Variants in TTC12 observed in about 807,000 individuals in gnomAD.
The protein encoded by TTC12 is tetratricopeptide repeat protein 12.
A neutral mutation model predicts 90.1 loss-of-function variants in TTC12; 70 were observed. The observed-to-expected ratio is 0.78, with a 90% CI of 0.64 to 0.95. The LOEUF (loss-of-function observed/expected upper bound fraction) is 0.95, where lower values mean the gene tolerates loss of function less well. Ranked by LOEUF, TTC12 falls within the 40% of genes least tolerant of loss-of-function variation. TTC12 has a pLI of 0.00. For missense variants in TTC12, 819 were observed against 846.1 expected (o/e 0.97, Z 0.40); for synonymous variants, 296 against 311.5 (o/e 0.95, Z 0.53).
intron 17 of TTC12, among the ~76,000 whole-genome samples, 185 bp downstream of exon 17, chr11:113,359,646 T>G (rs781933050): frequency 2.2e-4 from 34 of 152,194 alleles, no homozygotes; most frequent in Non-Finnish European, 3.8e-4. Flanking sequence ...GGATCACCAC[T>G]CAGTCATGTA....
rs577316998 is a variant in TTC12 at position 113,332,123 on chromosome 11, A to G, written c.504+2144A>G. Reference sequence around the variant, plus strand: ...AGACTGATGTTTCTTGTCAAGGAAGATAAGGCAGCAAAGCTGGTTTCAATT... The same window carrying G: ...AGACTGATGTTTCTTGTCAAGGAAGGTAAGGCAGCAAAGCTGGTTTCAATT... On this transcript the variant is annotated intron_variant, in intron 7 of 21. Coordinates refer to ENST00000529221, the MANE Select transcript of TTC12 (RefSeq NM_017868.4). Among the ~76,000 whole-genome samples the G allele has an allele frequency of 6.6e-5, 10 of 152,360 alleles. No homozygotes were observed. In the South Asian group the frequency reaches 1.7e-3, roughly 25 times the overall value.
chr11:113,367,520 G>T (rs534540109), downstream of TTC12, among the ~76,000 whole-genome samples: 1 of 152,200 alleles, frequency 6.6e-6, no homozygotes, highest in African/African-American at 2.4e-5. Context: ...AGTTTGAAGG[G>T]TCTGGGAAAG....
chr11:113,354,794 T>G (rs1378533172), intron 16 of TTC12, among the ~76,000 whole-genome samples: 16 of 152,236 alleles, frequency 1.1e-4, no homozygotes, highest in African/African-American at 3.9e-4. Context: ...CAACCTTGCA[T>G]CCCAGAGATA....
At chr11:113,360,088 G>A in intron 18 of TTC12, 80 bp downstream of exon 18, 1 of 498,910 alleles carries the variant, frequency 2.0e-6, no homozygotes. Context: ...TATTATCAGT[G>A]TAATCTTTTT....
chr11:113,357,612 T>C (rs1949697988), intron 16 of TTC12, among the ~76,000 whole-genome samples: 1 of 152,226 alleles, frequency 6.6e-6, no homozygotes, highest in South Asian at 2.1e-4. Flanking sequence ...TTTTTTTCTT[T>C]TATCTTATTT....
chr11:113,357,193 T>C (rs558880892), intron 16 of TTC12, among the ~76,000 whole-genome samples: 1 of 152,356 alleles, frequency 6.6e-6, no homozygotes, highest in South Asian at 2.1e-4. Flanking sequence ...AGCTCTGAGA[T>C]TATTTCCTCT....
At position 113,364,867 on chromosome 11, in the gene TTC12, G is replaced by T. The variant is rs780417815; in HGVS notation, c.1849G>T (p.Glu617Ter). 2 of 1,614,198 alleles carry T rather than the reference G, an allele frequency of 1.2e-6. No homozygotes were observed. Among genetic ancestry groups the T allele is most frequent in the Non-Finnish European group, 1.7e-6 (2 of 1,180,034 alleles). Reference protein sequence around the residue: ...LSVMMKLLSSEDEVLVGNAAL... With the variant: ...LSVMMKLLSS ...CGTTATGATGAAGCTGCTCAGCTCGGAGGATGAGGTTCTGGTGGGCAACGC... is the reference window on the plus strand; with the variant it reads ...CGTTATGATGAAGCTGCTCAGCTCGTAGGATGAGGTTCTGGTGGGCAACGC... The change falls in exon 21 of 22, where the codon GAG (glutamate) becomes TAG (stop). Residue 617 changes from glutamate to a stop codon, truncating the protein, a stop_gained. Coordinates refer to ENST00000529221, the MANE Select transcript of TTC12 (RefSeq NM_017868.4). LOFTEE classifies it high-confidence loss of function.
At chr11:113,368,630 G>A (rs1328973795), downstream of TTC12, 4 of 863,408 alleles carry the variant, frequency 4.6e-6, no homozygotes, top group African/African-American at 6.7e-5. Flanking sequence ...TGAGGACGGT[G>A]GTTCCAGTGC....
At position 113,366,381 on chromosome 11, in the gene TTC12, G is replaced by A. The variant is rs1005531213; in HGVS notation, c.*81G>A. 53 of 1,593,624 alleles carry A rather than the reference G, an allele frequency of 3.3e-5. No homozygotes were observed. Among genetic ancestry groups the A allele is most frequent in the African/African-American group, 6.7e-5 (5 of 74,538 alleles). On this transcript the variant is annotated 3_prime_UTR_variant, in exon 22 of 22. Coordinates refer to ENST00000529221, the MANE Select transcript of TTC12 (RefSeq NM_017868.4). Reference sequence around the variant, plus strand: ...TCCTATGCTAATAAAGACCTTTGATGTATCCACTTCAGAATCAAGTACTCA... The same window carrying A: ...TCCTATGCTAATAAAGACCTTTGATATATCCACTTCAGAATCAAGTACTCA...
In TTC12 at chr11:113,341,717, T is replaced by C; in HGVS notation, c.897-120T>C. On this transcript the variant is annotated intron_variant, in intron 11 of 21. Coordinates refer to ENST00000529221, the MANE Select transcript of TTC12 (RefSeq NM_017868.4). ...CCTGGTGACCCATGGCTCTGGATTA[T>C]AAAACTATACTTTCTCAAACCTGTA... The C allele has an allele frequency of 4.9e-6, 4 of 809,218 alleles. No homozygotes were observed. In the South Asian group the frequency reaches 5.9e-5, roughly 12 times the overall value. 50.1% of individuals were successfully genotyped at this position (809,218 alleles called of 1,614,324 possible).
intron 7 of TTC12, among the ~76,000 whole-genome samples, chr11:113,331,229 C>T (rs1415528019): frequency 6.6e-6 from 1 of 152,138 alleles, no homozygotes; most frequent in Non-Finnish European, 1.5e-5. Flanking sequence ...AAGCTGATGA[C>T]GTCAAGCTCC....
chr11:113,340,624 G>T (rs1555145674), intron 10 of TTC12, 40 bp from the exon 11 acceptor site: 14 of 1,552,748 alleles, frequency 9.0e-6, no homozygotes, highest in Non-Finnish European at 1.2e-5. Context: ...CAGCCAGCCA[G>T]TTTGGGAGTC....
In TTC12 at chr11:113,340,695, T is replaced by A. The variant is rs1591568134; in HGVS notation, c.858T>A (p.Asn286Lys). The A allele has an allele frequency of 1.2e-6, 2 of 1,614,104 alleles. No individual in the cohort carries two copies. Among genetic ancestry groups the A allele is most frequent in the Middle Eastern group, 1.6e-4 (1 of 6,062 alleles). ...CTEQTLFRMHNGFSIISDNEV... is the reference protein window; with the variant it reads ...CTEQTLFRMHKGFSIISDNEV... ...AACAAACTTTATTCAGAATGCACAA[T>A]GGATTTAGTATCATCAGTGACAACG... The change falls in exon 11 of 22, where the codon AAT becomes AAA. Residue 286 changes from asparagine (N) to lysine (K), a missense_variant. Physicochemically the swap from Asn to Lys is moderately conservative, Grantham distance 94 (BLOSUM62 0). Transcript: ENST00000529221.
intron 7 of TTC12, among the ~76,000 whole-genome samples, chr11:113,333,575 C>A (rs1293479197): frequency 6.6e-6 from 1 of 152,116 alleles, no homozygotes; most frequent in Non-Finnish European, 1.5e-5. Context: ...TGGGCCTCTC[C>A]AACCCCTAGT....
Position 113,359,951 on chromosome 11 carries a change from G to A in TTC12, c.1557G>A (p.Val519=). ...QAPFVSEVWA[V]EVSRRCLSLL... ...CCCCATTGTTGTAGGTTTGGGCTGT[G>A]GAGGTGAGCAGAAGGTGCCTGTCTT... Residue 519 remains valine, a synonymous_variant, in exon 18 of 22, where the codon GTG becomes GTA. Transcript: ENST00000529221. 1 of 1,597,278 alleles carries A rather than the reference G, an allele frequency of 6.3e-7. No individual in the cohort carries two copies. Among genetic ancestry groups the A allele is most frequent in the Non-Finnish European group, 8.5e-7 (1 of 1,172,162 alleles).
chr11:113,359,097 C>A (rs1949777664), intron 16 of TTC12, among the ~76,000 whole-genome samples: 1 of 151,806 alleles, frequency 6.6e-6, no homozygotes, highest in Admixed American at 6.6e-5. Flanking sequence ...TGAATGATCA[C>A]CCGTCTCAGC....
rs927182559 is a variant in TTC12 at position 113,352,326 on chromosome 11, G to A, written c.1446+119G>A. The A allele has an allele frequency of 3.1e-6, 4 of 1,309,594 alleles. No individual in the cohort carries two copies. The African/African-American group carries it at 5.9e-5, about 19-fold the overall frequency. The allele number at this position is 1,309,594 out of a possible 1,614,324, so 81.1% of individuals were successfully genotyped here. A position where few individuals can be genotyped will look rare whatever the true frequency, so the allele number is the denominator to read the frequency against. On this transcript the variant is annotated intron_variant, in intron 16 of 21. Coordinates refer to ENST00000529221, the MANE Select transcript of TTC12 (RefSeq NM_017868.4). ...TGTGGGTGTTGGATGGCGCCAGTTGGCTTATCCCTTCTGTAACCACGGATT... is the reference window on the plus strand; with the variant it reads ...TGTGGGTGTTGGATGGCGCCAGTTGACTTATCCCTTCTGTAACCACGGATT...
intron 10 of TTC12, among the ~76,000 whole-genome samples, chr11:113,340,268 G>T (rs554616416): frequency 1.3e-5 from 2 of 152,346 alleles, no homozygotes; most frequent in East Asian, 3.9e-4. Context: ...GTTTCTTGGA[G>T]ATTATAAATT....
chr11:113,368,109 A>G, downstream of TTC12: 2 of 1,203,460 alleles, frequency 1.7e-6, no homozygotes, highest in Non-Finnish European at 2.2e-6. Flanking sequence ...TTGGCTCTTG[A>G]AAATGGCTAT....
Sources: gnomAD v4.1 joint callset for allele counts (sites outside exome capture counted in the v4.1 genomes callset) on GRCh38, gnomAD v4.1.1 for gene constraint, MANE v1.5 for transcripts, NCBI Gene and HGNC (gene_info 2026-07-23, HGNC 2026-07-21) for gene names.